SERPINB6: variants seen among roughly 807,000 people sequenced by gnomAD.
The protein encoded by SERPINB6 is serpin family B member 6.
A neutral mutation model predicts 26.1 loss-of-function variants in SERPINB6; 16 were observed. The ratio of observed to expected loss-of-function variants is 0.61; its 90% CI spans 0.42 to 0.93. The LOEUF (loss-of-function observed/expected upper bound fraction) is 0.93, where lower values mean the gene tolerates loss of function less well. Among genes scored for constraint, SERPINB6 ranks in the 40% least tolerant of loss-of-function variants. The pLI, the probability that SERPINB6 is intolerant of heterozygous loss-of-function variation, is 0.00. For missense variants in SERPINB6, 420 were observed against 478.0 expected (o/e 0.88, Z 1.13); for synonymous variants, 174 against 176.6 (o/e 0.99, Z 0.11).
Position 2,948,352 on chromosome 6 carries a change from G to C in SERPINB6, c.1077C>G (p.Ile359Met). 2.5e-6 allele frequency: 4 copies of C among 1,614,150 alleles called. No homozygotes were observed. Among genetic ancestry groups the C allele is most frequent in the Non-Finnish European group, 3.4e-6 (4 of 1,180,030 alleles). ...GAATCCCGTTGGTCTTGCTGTGCTG[G>C]ATGAAGAAAAGGAAGGGGTGGTCGG... Reference protein sequence around the residue: ...FCADHPFLFFIQHSKTNGILF... With the variant: ...FCADHPFLFFMQHSKTNGILF... The change falls in exon 7 of 7, where the codon ATC becomes ATG. Residue 359 changes from isoleucine (I) to methionine (M), a missense_variant. By Grantham distance (10) the Ile-to-Met change is conservative. Coordinates refer to ENST00000380539, the MANE Select transcript of SERPINB6 (RefSeq NM_004568.6). The surrounding 1 kb of genome is among the most constrained non-coding windows in gnomAD (Gnocchi z 5.0).
chr6:2,968,732 T>G, intron 1 of SERPINB6: 1 of 1,231,634 alleles, frequency 8.1e-7, no homozygotes, highest in Non-Finnish European at 1.0e-6. Flanking sequence ...TGGATGTCAG[T>G]ACATAGTTAA....
intron 1 of SERPINB6, chr6:2,969,564 C>T (rs1771940790): frequency 1.0e-6 from 1 of 985,138 alleles, no homozygotes; most frequent in Non-Finnish European, 1.2e-6. Context: ...TTTCCTGTAG[C>T]ATCACCAGTA....
intron 1 of SERPINB6, among the ~76,000 whole-genome samples, chr6:2,962,765 A>G (rs1205631892): frequency 6.6e-6 from 1 of 152,202 alleles, no homozygotes; most frequent in African/African-American, 2.4e-5. Context: ...TCTTAGCAGA[A>G]ACTATGTTAG....
Position 2,948,279 on chromosome 6 carries a change from C to A in SERPINB6, c.*19G>T, listed in dbSNP as rs767068158. On this transcript the variant is annotated 3_prime_UTR_variant, in exon 7 of 7. Coordinates refer to ENST00000380539, the MANE Select transcript of SERPINB6 (RefSeq NM_004568.6). The surrounding 1 kb of genome is among the most constrained non-coding windows in gnomAD (Gnocchi z 5.0). ...GGGGACAGAGAGGAGAGGGGCTGCA[C>A]ACCAAGACTGCCCTGTCCTCACGGA... 1 of 1,612,696 alleles carries A rather than the reference C, an allele frequency of 6.2e-7. No homozygotes were observed. The highest frequency in any genetic ancestry group is 1.1e-5 in the South Asian group (1 of 91,016).
At chr6:2,959,666 A>G (rs948931269) in intron 1 of SERPINB6, 8 of 398,810 alleles carry the variant, frequency 2.0e-5, no homozygotes, top group African/African-American at 1.6e-4. Context: ...CAGAAGGGGC[A>G]CTGGCTTTTG....
chr6:2,964,624 T>A (rs114869575), intron 1 of SERPINB6, among the ~76,000 whole-genome samples: 1,624 of 152,316 alleles, frequency 0.011, 26 homozygotes, highest in African/African-American at 0.037. Flanking sequence ...CTTCTTTTTA[T>A]GAAATTACTA....
At chr6:2,955,729 G>A (rs1172490099) in intron 2 of SERPINB6, 59 bp from the exon 3 acceptor site, 2 of 1,589,462 alleles carry the variant, frequency 1.3e-6, no homozygotes, top group African/African-American at 2.7e-5. Flanking sequence ...TTCAGGAAAT[G>A]GGGCAACCCC....
upstream of SERPINB6, chr6:2,971,591 C>A (rs1185024855): frequency 2.0e-5 from 3 of 152,222 alleles, no homozygotes; most frequent in African/African-American, 7.2e-5. Context: ...CCGCCCCGGA[C>A]CTCAAATACT....
At chr6:2,962,331 A>G (rs1771211668) in intron 1 of SERPINB6, among the ~76,000 whole-genome samples, 1 of 152,198 alleles carries the variant, frequency 6.6e-6, no homozygotes, top group Non-Finnish European at 1.5e-5. Context: ...GTCAGTGCAC[A>G]TGAGTTTTAC....
chr6:2,955,737 C>T, intron 2 of SERPINB6, 67 bp from the exon 3 acceptor site: 1 of 1,570,554 alleles, frequency 6.4e-7, no homozygotes, highest in Non-Finnish European at 8.7e-7. Flanking sequence ...ATGGGGCAAC[C>T]CCAAACTCAG....
intron 1 of SERPINB6, chr6:2,969,707 G>C (rs1771952096): frequency 1.5e-5 from 15 of 985,044 alleles, no homozygotes; most frequent in Admixed American, 6.2e-5. Flanking sequence ...ACCATTTAAA[G>C]ACTGGTTTAA....
At chr6:2,956,000 C>T in intron 2 of SERPINB6, 1 of 284,376 alleles carries the variant, frequency 3.5e-6, no homozygotes, top group Non-Finnish European at 6.9e-6. Flanking sequence ...CGCTTGAACC[C>T]GGGAGGCGGA....
chr6:2,969,718 T>C, intron 1 of SERPINB6: 1 of 985,332 alleles, frequency 1.0e-6, no homozygotes, highest in South Asian at 4.7e-5. Context: ...ACTGGTTTAA[T>C]GGAAACTTGG....
upstream of SERPINB6, chr6:2,971,728 G>C (rs972110837): frequency 6.6e-6 from 1 of 152,210 alleles, no homozygotes; most frequent in Non-Finnish European, 1.5e-5. Flanking sequence ...AGTCCTGCCC[G>C]GAGGCCTTGA....
At chr6:2,949,152 T>G in intron 5 of SERPINB6, 83 bp from the exon 6 acceptor site, 2 of 1,504,986 alleles carry the variant, frequency 1.3e-6, no homozygotes, top group Non-Finnish European at 1.8e-6. Context: ...GGCCACTCTC[T>G]GCAGGGAGAA....
chr6:2,948,694 C>A lies in SERPINB6; in HGVS notation c.735G>T (p.Glu245Asp). 6.2e-7 allele frequency: 1 copy of A among 1,614,138 alleles called. No homozygotes were observed. ...CGAACTTCTCGTAAGTGAGTTCTTT[C>A]TCCACCTAGAGGGAGACAGTTGAAG... ...PDETTDLRTV[E>D]KELTYEKFVE... Residue 245 changes from glutamate (E) to aspartate (D), a missense_variant, in exon 7 of 7, where the codon GAG becomes GAT. Coordinates refer to ENST00000380539, the MANE Select transcript of SERPINB6 (RefSeq NM_004568.6). This position sits in a 1 kb window ranked among gnomAD's most constrained non-coding sequence, Gnocchi z 5.0.
At position 2,967,402 on chromosome 6, in the gene SERPINB6, G is replaced by C; in HGVS notation, c.-11+4131C>G. 5.6e-6 allele frequency: 1 copy of C among 178,116 alleles called. No homozygotes were observed. Among genetic ancestry groups the C allele is most frequent in the South Asian group, 1.9e-4 (1 of 5,366 alleles). 11.0% of individuals were successfully genotyped at this position (178,116 alleles called of 1,614,324 possible). A position where few individuals can be genotyped will look rare whatever the true frequency, so the allele number is the denominator to read the frequency against. On this transcript the variant is annotated intron_variant, in intron 1 of 6. Transcript: ENST00000380539. This position sits in a 1 kb window ranked among gnomAD's most constrained non-coding sequence, Gnocchi z 4.3. ...GAACAGGCAAAGATTTCATGACAAA[G>C]ATGCCAAATGCAATCACAACAAAAG...
intron 1 of SERPINB6, chr6:2,966,524 C>T: frequency 2.2e-6 from 1 of 453,540 alleles, no homozygotes; most frequent in Non-Finnish European, 2.9e-6. Context: ...AGGTCAGTGG[C>T]AGCGTTGGAG....
Position 2,955,619 on chromosome 6 carries a change from G to A in SERPINB6, c.217C>T (p.Gln73Ter), listed in dbSNP as rs569086788. The A allele has an allele frequency of 8.7e-6, 14 of 1,614,186 alleles. No homozygotes were observed. The highest frequency in any genetic ancestry group is 3.3e-5 in the Admixed American group (2 of 60,032). ...TTGTTCACTTCGGTGAGAAGAGACT[G>A]GAAGCCCTGGTGGATGTCTCCACCA... The part of the protein sequence containing the change: ...GGGGDIHQGF[Q>*]SLLTEVNKTG... The change falls in exon 3 of 7, where the codon CAG becomes TAG. Residue 73 changes from glutamine (Q) to a stop codon, truncating the protein, a stop_gained. Transcript: ENST00000380539. LOFTEE classifies it high-confidence loss of function.
Sources: allele counts gnomAD v4.1 joint callset (sites outside exome capture counted in the v4.1 genomes callset), GRCh38; gene constraint gnomAD v4.1.1; non-coding constraint Gnocchi (gnomAD v3.1); transcripts MANE v1.5; gene names NCBI Gene and HGNC (gene_info 2026-07-23, HGNC 2026-07-21).